The following KIRREL1 variants were observed in gnomAD, a reference collection of about 807,000 sequenced individuals.
KIRREL1 encodes the protein kin of IRRE-like protein 1.
In KIRREL1, 25 loss-of-function variants were observed where a neutral mutation model predicts 83.3. That is an observed-to-expected ratio of 0.30 (90% CI 0.22 to 0.42). The LOEUF is 0.42. Among genes scored for constraint, KIRREL1 ranks in the 10% least tolerant of loss-of-function variants. KIRREL1 has a pLI of 1.00. For missense variants in KIRREL1, 812 were observed against 1,032.3 expected, an observed-to-expected ratio of 0.79 and a Z score of 2.92; for synonymous variants, 388 against 410.4, an observed-to-expected ratio of 0.95 and a Z score of 0.66.
At chr1:158,084,999 G>A (rs1279129631) in intron 4 of KIRREL1, among the ~76,000 whole-genome samples, 1 of 152,288 alleles carries the variant, frequency 6.6e-6, no homozygotes, top group Admixed American at 6.5e-5. Context: ...GCACAGAGCG[G>A]GGGTTTGTAC....
chr1:158,034,187 G>T (rs1482475288), intron 1 of KIRREL1, among the ~76,000 whole-genome samples: 5 of 148,388 alleles, frequency 3.4e-5, no homozygotes, highest in Non-Finnish European at 7.4e-5. Context: ...GGAGAATGGC[G>T]TGAATCCAGG....
At chr1:157,995,986 C>T (rs1659188065) in intron 1 of KIRREL1, among the ~76,000 whole-genome samples, 1 of 150,830 alleles carries the variant, frequency 6.6e-6, no homozygotes, top group Admixed American at 6.6e-5. Flanking sequence ...TCCTTAGCCT[C>T]CATCCTCAGA....
At chr1:158,047,712 A>T (rs988919857) in intron 1 of KIRREL1, among the ~76,000 whole-genome samples, 1 of 152,118 alleles carries the variant, frequency 6.6e-6, no homozygotes, top group African/African-American at 2.4e-5. Flanking sequence ...AGGTCACTTC[A>T]TTATTATAAA....
intron 11 of KIRREL1, among the ~76,000 whole-genome samples, chr1:158,091,836 G>T (rs912572): frequency 0.65 from 99,419 of 152,100 alleles, 33,850 homozygotes; most frequent in South Asian, 0.8. Flanking sequence ...CTGGGGAAAT[G>T]CCCTCACTTC....
intron 1 of KIRREL1, chr1:158,025,540 G>A (rs1034472030): frequency 1.3e-5 from 2 of 152,748 alleles, no homozygotes; most frequent in Non-Finnish European, 2.9e-5. Flanking sequence ...AAATGGTCTA[G>A]AGAGGAAGGA....
intron 1 of KIRREL1, among the ~76,000 whole-genome samples, chr1:158,055,345 C>A (rs1190482404): frequency 4.6e-5 from 7 of 152,148 alleles, no homozygotes; most frequent in Non-Finnish European, 7.3e-5. Context: ...CCCCTCCACT[C>A]CCTTCTGGTA....
Position 158,094,790 on chromosome 1 carries a change from C to A in KIRREL1, c.1944C>A (p.Ala648=). 6.2e-7 allele frequency: 1 copy of A among 1,614,052 alleles called. No individual in the cohort carries two copies. The highest frequency in any genetic ancestry group is 8.5e-7 in the Non-Finnish European group (1 of 1,180,006). ...GTCTCTCCCACTCCAGCGGCTATGC[C>A]CAGCTCAACACCTATAGCCGGGGCC... The part of the protein sequence containing the change: ...SSRLSHSSGY[A]QLNTYSRGPA... The change falls in exon 15 of 15, where the codon GCC becomes GCA. Residue 648 remains alanine, a synonymous_variant. Coordinates refer to ENST00000359209, the MANE Select transcript of KIRREL1 (RefSeq NM_018240.7). The surrounding 1 kb of genome is among the most constrained non-coding windows in gnomAD (Gnocchi z 4.6).
chr1:158,091,683 CAG>C (rs1361013021), intron 11 of KIRREL1, 127 bp downstream of exon 11: 4 of 861,078 alleles, frequency 4.6e-6, no homozygotes, highest in Non-Finnish European at 5.5e-6. Flanking sequence ...AGGGGACACA[CAG>C]AGGGATGTCC....
intron 1 of KIRREL1, among the ~76,000 whole-genome samples, chr1:158,052,561 C>T (rs971867050): frequency 3.3e-5 from 5 of 151,448 alleles, no homozygotes; most frequent in Middle Eastern, 3.2e-3. Flanking sequence ...AGGTGGATCA[C>T]GACGTCAGGA....
chr1:158,005,473 C>T (rs1380134279), intron 1 of KIRREL1, among the ~76,000 whole-genome samples: 1 of 152,034 alleles, frequency 6.6e-6, no homozygotes, highest in East Asian at 1.9e-4. Context: ...AGGCTGCCAG[C>T]TGTGGAGTTG....
At chr1:158,053,181 G>A (rs1382021332) in intron 1 of KIRREL1, among the ~76,000 whole-genome samples, 2 of 152,166 alleles carry the variant, frequency 1.3e-5, no homozygotes, top group Admixed American at 1.3e-4. Flanking sequence ...GTGTAAGTCT[G>A]TACTCACCTC....
At chr1:158,088,774 G>A (rs1469684928) in intron 8 of KIRREL1, among the ~76,000 whole-genome samples, 9 of 152,266 alleles carry the variant, frequency 5.9e-5, no homozygotes, top group South Asian at 2.1e-4. Flanking sequence ...GTGAGCCACC[G>A]CGCCCGGCCT....
chr1:158,053,727 A>G (rs1660968558), intron 1 of KIRREL1, among the ~76,000 whole-genome samples: 1 of 152,242 alleles, frequency 6.6e-6, no homozygotes, highest in Non-Finnish European at 1.5e-5. Context: ...TATTTCATGT[A>G]AATTCCTCAA....
At chr1:158,076,039 G>A (rs1246185052) in intron 1 of KIRREL1, 74 bp from the exon 2 acceptor site, 18 of 1,402,338 alleles carry the variant, frequency 1.3e-5, no homozygotes, top group Non-Finnish European at 1.7e-5. Context: ...CCTTCCAGCT[G>A]CATGGTGAGG....
intron 8 of KIRREL1, among the ~76,000 whole-genome samples, chr1:158,089,003 G>C (rs555742613): frequency 1.3e-5 from 2 of 152,104 alleles, no homozygotes; most frequent in Admixed American, 6.6e-5. Context: ...TGGGGTGGGA[G>C]GAAGGGAGAG....
At chr1:158,069,706 CA>C in intron 1 of KIRREL1, among the ~76,000 whole-genome samples, 1 of 152,300 alleles carries the variant, frequency 6.6e-6, no homozygotes, top group Admixed American at 6.5e-5. Flanking sequence ...GATGGCATTC[CA>C]AGGGAGCCAG....
intron 5 of KIRREL1, among the ~76,000 whole-genome samples, chr1:158,087,478 A>C (rs1043522166): frequency 1.3e-5 from 2 of 152,070 alleles, no homozygotes; most frequent in African/African-American, 4.8e-5. Flanking sequence ...TAGTGAGCCA[A>C]GCAAGCTCAC....
At chr1:158,027,787 T>C (rs752107474) in intron 1 of KIRREL1, among the ~76,000 whole-genome samples, 25 of 152,174 alleles carry the variant, frequency 1.6e-4, no homozygotes, top group Non-Finnish European at 3.1e-4. Flanking sequence ...GTTTGTGTTG[T>C]CTCAGAGCAA....
chr1:158,034,055 C>T (rs991124377), intron 1 of KIRREL1, among the ~76,000 whole-genome samples: 2 of 151,666 alleles, frequency 1.3e-5, no homozygotes, highest in Non-Finnish European at 2.9e-5. Flanking sequence ...GGGCGGATCA[C>T]GAGGTCAGGA....
Sources: gnomAD v4.1 joint callset for allele counts (sites outside exome capture counted in the v4.1 genomes callset) on GRCh38, gnomAD v4.1.1 for gene constraint, Gnocchi (gnomAD v3.1) non-coding constraint, MANE v1.5 for transcripts, NCBI Gene and HGNC (gene_info 2026-07-23, HGNC 2026-07-21) for gene names.